The following MYO1D variants were observed in gnomAD, a reference collection of about 807,000 sequenced individuals.
The protein encoded by MYO1D is unconventional myosin-Id.
MYO1D carries 83 observed loss-of-function variants against 122.0 expected under a neutral mutation model. The observed-to-expected ratio is 0.68, with a 90% CI of 0.57 to 0.82. The LOEUF (loss-of-function observed/expected upper bound fraction) is 0.82. Ranked by LOEUF, MYO1D falls within the 40% of genes least tolerant of loss-of-function variation. The probability of loss-of-function intolerance (pLI) is 0.00; values close to 1 mark genes in which losing one functional copy is unlikely to be tolerated. For missense variants in MYO1D, 1,157 were observed against 1,269.5 expected (o/e 0.91, Z 1.35); for synonymous variants, 464 against 446.9 (o/e 1.04, Z -0.48).
intron 20 of MYO1D, among the ~76,000 whole-genome samples, chr17:32,623,272 A>T (rs1015799213): frequency 6.6e-6 from 1 of 152,232 alleles, no homozygotes; most frequent in African/African-American, 2.4e-5. Flanking sequence ...TTATTATATT[A>T]AAAAAATCAG....
intron 16 of MYO1D, among the ~76,000 whole-genome samples, chr17:32,662,726 G>C (rs2088584009): frequency 1.3e-5 from 2 of 152,018 alleles, no homozygotes; most frequent in African/African-American, 2.4e-5. Context: ...CTGTGCCTTA[G>C]TTTTCTTAGC....
chr17:32,558,530 T>C (rs2087088334), intron 21 of MYO1D, among the ~76,000 whole-genome samples: 1 of 152,160 alleles, frequency 6.6e-6, no homozygotes, highest in Non-Finnish European at 1.5e-5. Flanking sequence ...AAGGGCGCAT[T>C]GTCAGATAAC....
intron 10 of MYO1D, 41 bp downstream of exon 10, chr17:32,760,249 T>A: frequency 6.9e-7 from 1 of 1,455,988 alleles, no homozygotes; most frequent in Non-Finnish European, 9.6e-7. Flanking sequence ...ATCAATAATA[T>A]GAGAAACACA....
chr17:32,749,508 A>T (rs1422126007), intron 11 of MYO1D, among the ~76,000 whole-genome samples: 4 of 152,206 alleles, frequency 2.6e-5, no homozygotes, highest in Non-Finnish European at 4.4e-5. Context: ...AGGCAGGCAG[A>T]TTGCTTGAGA....
chr17:32,838,065 G>A (rs958351524), intron 1 of MYO1D, among the ~76,000 whole-genome samples: 1 of 151,674 alleles, frequency 6.6e-6, no homozygotes, highest in Admixed American at 6.6e-5. Flanking sequence ...TAGTTGGATC[G>A]GTGATCACAC....
intron 21 of MYO1D, among the ~76,000 whole-genome samples, chr17:32,567,873 C>T (rs920579120): frequency 6.6e-6 from 1 of 152,086 alleles, no homozygotes; most frequent in East Asian, 1.9e-4. Flanking sequence ...TCTCCACGTC[C>T]AATTAACTCA....
intron 21 of MYO1D, among the ~76,000 whole-genome samples, chr17:32,558,782 A>G (rs1056841138): frequency 3.3e-5 from 5 of 152,244 alleles, no homozygotes; most frequent in African/African-American, 9.6e-5. Context: ...GACAGGGAGT[A>G]TAGTCTTGGG....
At chr17:32,830,584 C>T (rs1200430558) in intron 1 of MYO1D, among the ~76,000 whole-genome samples, 1 of 152,040 alleles carries the variant, frequency 6.6e-6, no homozygotes, top group Admixed American at 6.5e-5. Context: ...TTGTACTGCT[C>T]AGTGGTATGA....
chr17:32,558,981 T>C (rs1360170903), intron 21 of MYO1D, among the ~76,000 whole-genome samples: 1 of 152,252 alleles, frequency 6.6e-6, no homozygotes, highest in African/African-American at 2.4e-5. Flanking sequence ...TGAGCTAACA[T>C]ATGCATGGTG....
chr17:32,598,281 C>T (rs1159420089), intron 21 of MYO1D, among the ~76,000 whole-genome samples: 3 of 151,824 alleles, frequency 2.0e-5, no homozygotes, highest in African/African-American at 4.8e-5. Context: ...GCCTGAGGCA[C>T]GAGAATTGCT....
chr17:32,638,186 C>T (rs573721356), intron 20 of MYO1D, among the ~76,000 whole-genome samples: 4 of 152,088 alleles, frequency 2.6e-5, no homozygotes, highest in African/African-American at 9.6e-5. Flanking sequence ...GAGATACCCA[C>T]GAAATTTCGT....
In MYO1D at chr17:32,551,582, A is replaced by ACG. The variant is rs2087015694; in HGVS notation, c.2864+53504_2864+53505insCG. On this transcript the variant is annotated intron_variant, in intron 21 of 21. Transcript: ENST00000318217. The stretch of plus-strand genomic sequence containing the variant: ...CACACACACACACACACACACACAC[A>ACG]CACGCATCCAGGTGGCTTTGGAATG... Among the ~76,000 whole-genome samples the ACG allele has an allele frequency of 3.5e-5, 5 of 144,398 alleles. No individual in the cohort carries two copies. The Admixed American group carries it at 3.5e-4, about 10-fold the overall frequency. 94.7% of individuals were successfully genotyped at this position (144,398 alleles called of 152,430 possible).
chr17:32,542,783 A>G (rs549105310), intron 21 of MYO1D, among the ~76,000 whole-genome samples: 2 of 152,266 alleles, frequency 1.3e-5, no homozygotes, highest in East Asian at 3.9e-4. Flanking sequence ...GGCCTGTGGG[A>G]AGCTGCCCTC....
chr17:32,769,740 T>C (rs983156663), intron 6 of MYO1D, among the ~76,000 whole-genome samples: 4 of 151,984 alleles, frequency 2.6e-5, no homozygotes, highest in East Asian at 1.9e-4. Flanking sequence ...TTTTGGTTCA[T>C]AGTTTAGGTT....
At chr17:32,601,786 C>T (rs1417202346) in intron 21 of MYO1D, among the ~76,000 whole-genome samples, 1 of 152,190 alleles carries the variant, frequency 6.6e-6, no homozygotes, top group African/African-American at 2.4e-5. Context: ...ACCACAATAT[C>T]TGTGAAGTGT....
At chr17:32,526,411 G>A (rs996062369) in intron 21 of MYO1D, among the ~76,000 whole-genome samples, 1 of 151,992 alleles carries the variant, frequency 6.6e-6, no homozygotes, top group African/African-American at 2.4e-5. Flanking sequence ...TTCAAATAAA[G>A]TCCTTTGTCA....
At position 32,760,627 on chromosome 17, in the gene MYO1D, C is replaced by T. The variant is rs1268915606; in HGVS notation, c.1036G>A (p.Ala346Thr). 2 of 1,597,732 alleles carry T rather than the reference C, an allele frequency of 1.3e-6. No homozygotes were observed. Among genetic ancestry groups the T allele is most frequent in the Non-Finnish European group, 1.7e-6 (2 of 1,173,056 alleles). ...CAACAAAAAAGGCGCTCATATATTG[C>T]CTGCAAGGAAAATAGCATCATAAAT... The part of the protein sequence containing the change: ...ASYGRDAFAK[A>T]IYERLFCWIV... Residue 346 changes from alanine to threonine, a missense_variant and splice_region_variant, in exon 9 of 22, where the codon GCA becomes ACA. Ala to Thr is a moderately conservative substitution (Grantham distance 58). Transcript: ENST00000318217.
chr17:32,605,260 T>C lies in MYO1D; in HGVS notation c.2710-19A>G. ...CAGTCAACTGCAAAGAGAAAATGCA[T>C]GGAAAACTATTTGGATCATTCTCAA... On this transcript the variant is annotated intron_variant, in intron 20 of 21. Coordinates refer to ENST00000318217, the MANE Select transcript of MYO1D (RefSeq NM_015194.3). The C allele has an allele frequency of 6.5e-7, 1 of 1,539,746 alleles. No homozygotes were observed. The highest frequency in any genetic ancestry group is 1.3e-5 in the South Asian group (1 of 79,762).
At chr17:32,683,844 G>A (rs1278252746) in intron 16 of MYO1D, among the ~76,000 whole-genome samples, 1 of 151,840 alleles carries the variant, frequency 6.6e-6, no homozygotes, top group East Asian at 1.9e-4. Context: ...CCCTCCCCCA[G>A]CCTCGTTGCC....
Sources: gnomAD v4.1 joint callset for allele counts (sites outside exome capture counted in the v4.1 genomes callset) on GRCh38, gnomAD v4.1.1 for gene constraint, MANE v1.5 for transcripts, NCBI Gene and HGNC (gene_info 2026-07-23, HGNC 2026-07-21) for gene names.